The following INSL6 variants were observed in gnomAD, a reference collection of about 807,000 sequenced individuals.
The protein encoded by INSL6 is insulin-like peptide INSL6.
Under a neutral mutation model 9.4 loss-of-function variants are expected in INSL6, and 16 were observed. The observed-to-expected ratio is 1.70, with a 90% CI of 1.15 to 2.59. INSL6 has a LOEUF of 2.59. INSL6 is among the 30% of genes most tolerant of loss of function. The pLI is 0.00. For missense variants in INSL6, 391 were observed against 257.3 expected (o/e 1.52, Z -3.56); for synonymous variants, 154 against 96.9 (o/e 1.59, Z -3.46).
rs1361407345 is a variant in INSL6 at position 5,140,345 on chromosome 9, C to T, written c.377-6753G>A. Reference sequence around the variant, plus strand: ...CTAATGTACCTAATCATAATAATGACACCACACTTATATTAGTCATCAGAG... The same window carrying T: ...CTAATGTACCTAATCATAATAATGATACCACACTTATATTAGTCATCAGAG... On this transcript the variant is annotated intron_variant, in intron 2 of 3. Transcript: ENST00000649639. Among the ~76,000 whole-genome samples the T allele has an allele frequency of 2.6e-5, 4 of 152,108 alleles. No individual in the cohort carries two copies. The East Asian group carries it at 7.7e-4, about 29-fold the overall frequency.
chr9:5,123,028 G>C (rs772659940), downstream of INSL6: 5 of 1,610,952 alleles, frequency 3.1e-6, no homozygotes, highest in Non-Finnish European at 4.2e-6. Context: ...CACTGACAGA[G>C]AGCAAGTTTT....
At chr9:4,992,789 C>G in the INSL6 span, among the ~76,000 whole-genome samples, 1 of 152,194 alleles carries the variant, frequency 6.6e-6, no homozygotes, top group East Asian at 1.9e-4. Context: ...AGTAGACATT[C>G]CTCCTCAAGA....
At chr9:5,135,369 T>C (rs891829875) in intron 2 of INSL6, among the ~76,000 whole-genome samples, 1 of 151,292 alleles carries the variant, frequency 6.6e-6, no homozygotes, top group East Asian at 1.9e-4. Flanking sequence ...CACCACATAA[T>C]TGGAAGTAAA....
chr9:5,010,482 G>C, the INSL6 span, among the ~76,000 whole-genome samples: 1 of 151,912 alleles, frequency 6.6e-6, no homozygotes, highest in Non-Finnish European at 1.5e-5. Context: ...CACTATGCCC[G>C]GCTAATTTTT....
At chr9:5,024,118 T>C in the INSL6 span, among the ~76,000 whole-genome samples, 7 of 152,016 alleles carry the variant, frequency 4.6e-5, no homozygotes, top group Non-Finnish European at 1.0e-4. Context: ...TAGCCAGGTG[T>C]GGTGGTGGGC....
chr9:5,154,464 T>C (rs982065654), intron 2 of INSL6, among the ~76,000 whole-genome samples: 3 of 152,056 alleles, frequency 2.0e-5, no homozygotes, highest in Non-Finnish European at 4.4e-5. Context: ...AAAGCCAAAA[T>C]TGACAAATGG....
the INSL6 span, chr9:5,099,606 G>A: frequency 7.8e-4 from 118 of 152,230 alleles, no homozygotes; most frequent in African/African-American, 2.7e-3. Context: ...TACAATTCTA[G>A]GCCTACCAGC....
intron 3 of INSL6, chr9:5,128,247 G>A (rs1401384718): frequency 4.3e-6 from 1 of 230,224 alleles, no homozygotes; most frequent in Non-Finnish European, 8.6e-6. Context: ...TGGGTTGAAG[G>A]GAAGGAAAAG....
the INSL6 span, among the ~76,000 whole-genome samples, chr9:5,011,937 G>C: frequency 2.0e-5 from 3 of 152,188 alleles, no homozygotes; most frequent in Admixed American, 2.0e-4. Context: ...ATATTTACCA[G>C]TTCCCTCTAA....
At chr9:5,133,156 ATATT>A (rs1824323674) in intron 3 of INSL6, among the ~76,000 whole-genome samples, 1 of 152,148 alleles carries the variant, frequency 6.6e-6, no homozygotes, top group African/African-American at 2.4e-5. Context: ...ATATGCAGTG[ATATT>A]AGAGTGTCAT....
chr9:5,138,385 T>G lies in INSL6; in HGVS notation c.377-4793A>C, dbSNP rs60220924. ...AAGAAAATGTGGCACATATACACCA[T>G]GGAATACTGTGCAGCCATCAACAAG... is the stretch of plus-strand genomic sequence containing the variant. On this transcript the variant is annotated intron_variant, in intron 2 of 3. Transcript: ENST00000649639. Among the ~76,000 whole-genome samples the G allele has an allele frequency of 2.8e-3, 429 of 152,304 alleles. 2 individuals carry two copies. The highest frequency in any genetic ancestry group is 9.4e-3 in the African/African-American group (392 of 41,558).
the INSL6 span, chr9:5,066,529 T>C: frequency 1.9e-6 from 1 of 536,684 alleles, no homozygotes; most frequent in Non-Finnish European, 3.3e-6. Flanking sequence ...ACTTTGATTT[T>C]TTCCTTTGAA....
rs1196938687 is a variant in INSL6 at position 5,168,330 on chromosome 9, A to G, written c.290-4065T>C. Among the ~76,000 whole-genome samples, 19 of 152,220 alleles carry G rather than the reference A, an allele frequency of 1.2e-4. 1 individual carries two copies. The highest frequency in any genetic ancestry group is 1.2e-3 in the Admixed American group (19 of 15,284). ...TTGCAAAGAAGCTAAGAACCATAAT[A>G]AAACATTACAGGAGCTGTTAACAAG... On this transcript the variant is annotated intron_variant, in intron 1 of 1. Coordinates refer to ENST00000381641, the MANE Select transcript of INSL6 (RefSeq NM_007179.3).
At chr9:5,027,134 A>C in the INSL6 span, among the ~76,000 whole-genome samples, 1 of 152,250 alleles carries the variant, frequency 6.6e-6, no homozygotes, top group Non-Finnish European at 1.5e-5. Context: ...AGGACAACTG[A>C]AGAAACCAGA....
intron 3 of INSL6, among the ~76,000 whole-genome samples, chr9:5,129,204 G>GCATT (rs1053489820): frequency 2.6e-5 from 4 of 152,028 alleles, no homozygotes; most frequent in Non-Finnish European, 5.9e-5. Flanking sequence ...GGTGGGTGTG[G>GCATT]CATTATGTGC....
At chr9:5,007,517 T>A in the INSL6 span, among the ~76,000 whole-genome samples, 1 of 151,718 alleles carries the variant, frequency 6.6e-6, no homozygotes, top group Non-Finnish European at 1.5e-5. Flanking sequence ...CATACGTGAG[T>A]TTTTTTTGTT....
At chr9:5,162,267 G>C (rs930027779), downstream of INSL6, among the ~76,000 whole-genome samples, 6 of 151,796 alleles carry the variant, frequency 4.0e-5, no homozygotes, top group African/African-American at 1.5e-4. Context: ...GTCTATAAAT[G>C]TGACTATTCT....
chr9:5,049,893 G>A, the INSL6 span, among the ~76,000 whole-genome samples: 625 of 152,180 alleles, frequency 4.1e-3, 6 homozygotes, highest in African/African-American at 0.014. Context: ...GTAACACAAC[G>A]GTAAGTATTT....
the INSL6 span, chr9:5,041,259 T>G: frequency 7.1e-7 from 1 of 1,398,810 alleles, no homozygotes. Context: ...ATCCACATCA[T>G]CGACCTCGGG....
Sources: allele counts gnomAD v4.1 joint callset (sites outside exome capture counted in the v4.1 genomes callset), GRCh38; gene constraint gnomAD v4.1.1; transcripts MANE v1.5; gene names NCBI Gene and HGNC (gene_info 2026-07-23, HGNC 2026-07-21).